Variants in ATXN3 observed in about 807,000 individuals in gnomAD.
ATXN3 encodes ataxin 3.
A neutral mutation model predicts 58.2 loss-of-function variants in ATXN3; 28 were observed. That is an observed-to-expected ratio of 0.48 (90% CI 0.36 to 0.66). The LOEUF (loss-of-function observed/expected upper bound fraction) is 0.66, where lower values mean the gene tolerates loss of function less well. Among genes scored for constraint, ATXN3 ranks in the 30% least tolerant of loss-of-function variants. The pLI is 0.00. For missense variants in ATXN3, 321 were observed against 422.1 expected, an observed-to-expected ratio of 0.76 and a Z score of 2.10; for synonymous variants, 113 against 138.5, an observed-to-expected ratio of 0.82 and a Z score of 1.29.
chr14:92,057,653 CCTAA>C (rs1391556584), downstream of ATXN3, among the ~76,000 whole-genome samples: 1 of 152,026 alleles, frequency 6.6e-6, no homozygotes, highest in East Asian at 1.9e-4. Flanking sequence ...TGTGCCCAAT[CCTAA>C]TTAAAGTTAA....
intron 5 of ATXN3, among the ~76,000 whole-genome samples, chr14:92,092,379 T>C (rs55811958): frequency 0.019 from 2,862 of 152,354 alleles, 53 homozygotes; most frequent in South Asian, 0.081. Flanking sequence ...GGACGTTAAA[T>C]GATTGTTTCT....
chr14:92,083,796 T>G (rs1456874463), intron 6 of ATXN3, among the ~76,000 whole-genome samples: 2 of 152,200 alleles, frequency 1.3e-5, no homozygotes, highest in Non-Finnish European at 2.9e-5. Context: ...AGATTAACAT[T>G]TAAGCCAGTG....
rs1193735032 is a variant in ATXN3, at chr14:92,083,167, T to C, written c.567A>G (p.Pro189=). 3 of 1,613,706 alleles carry C rather than the reference T, an allele frequency of 1.9e-6. No individual in the cohort carries two copies. The highest frequency in any genetic ancestry group is 2.5e-6 in the Non-Finnish European group (3 of 1,179,948). ...GTGCTAATTCTTCTCCAATAAGTTT[T>C]GGTCGATGCATCTGTTGGACCCTAA... is the stretch of plus-strand genomic sequence containing the variant. The part of the protein sequence containing the change: ...QMIRVQQMHR[P]KLIGEELAQL... Residue 189 remains proline (P), a synonymous_variant, in exon 7 of 11, where the codon CCA becomes CCG. Coordinates refer to ENST00000644486, the MANE Select transcript of ATXN3 (RefSeq NM_004993.6).
At chr14:92,075,156 GTTT>G (rs376552690) in intron 9 of ATXN3, among the ~76,000 whole-genome samples, 10,327 of 108,496 alleles carry the variant, frequency 0.095, 89 homozygotes, top group African/African-American at 0.14. Context: ...GTAATAGGGA[GTTT>G]TTTTTTTTTT....
Position 92,059,433 on chromosome 14 carries a change from A to G in ATXN3, c.*4887T>C, listed in dbSNP as rs1209845875. The G allele has an allele frequency of 6.6e-6, 1 of 152,238 alleles. No homozygotes were observed. Among genetic ancestry groups the G allele is most frequent in the African/African-American group, 2.4e-5 (1 of 41,462 alleles). The allele number at this position is 152,238 out of a possible 1,614,324, so 9.4% of individuals were successfully genotyped here. ...AAAAATAAAGTTATTTACATTGCTG[A>G]CATGATTAGTTGATCCAATCTGGTA... is the stretch of plus-strand genomic sequence containing the variant. On this transcript the variant is annotated 3_prime_UTR_variant, in exon 11 of 11. Coordinates refer to ENST00000644486, the MANE Select transcript of ATXN3 (RefSeq NM_004993.6).
At chr14:92,093,653 G>T in intron 4 of ATXN3, 93 bp downstream of exon 4, 1 of 1,013,264 alleles carries the variant, frequency 9.9e-7, no homozygotes, top group Non-Finnish European at 1.5e-6. Flanking sequence ...CAAAACAAAA[G>T]TATTCAAAAT....
At chr14:92,069,684 T>G (rs562774919) in intron 10 of ATXN3, among the ~76,000 whole-genome samples, 1 of 152,288 alleles carries the variant, frequency 6.6e-6, no homozygotes, top group East Asian at 1.9e-4. Flanking sequence ...CTATAAGCAT[T>G]TGATATAAGT....
At chr14:92,092,620 T>C (rs1043711652) in intron 5 of ATXN3, among the ~76,000 whole-genome samples, 4 of 152,172 alleles carry the variant, frequency 2.6e-5, no homozygotes, top group Non-Finnish European at 4.4e-5. Flanking sequence ...AGTCATCACA[T>C]AAAAACCCAC....
At chr14:92,074,120 A>G (rs2059939049) in intron 9 of ATXN3, among the ~76,000 whole-genome samples, 1 of 151,628 alleles carries the variant, frequency 6.6e-6, no homozygotes, top group Admixed American at 6.6e-5. Context: ...TGAGGTCAGG[A>G]GTTCAAGACC....
At chr14:92,101,204 T>C (rs2066691209) in intron 1 of ATXN3, among the ~76,000 whole-genome samples, 1 of 152,176 alleles carries the variant, frequency 6.6e-6, no homozygotes, top group Non-Finnish European at 1.5e-5. Context: ...CAGTGGTTCA[T>C]ACTATAATCT....
In ATXN3 at chr14:92,063,979, A is replaced by C. The variant is rs1213538664; in HGVS notation, c.*341T>G. On this transcript the variant is annotated 3_prime_UTR_variant, in exon 11 of 11. Transcript: ENST00000644486. ...AAAAAGAAAACAAACTATATGGAAAAAGCCTGAGGCGAGAGCTAATTAGCT... is the reference window on the plus strand; with the variant it reads ...AAAAAGAAAACAAACTATATGGAAACAGCCTGAGGCGAGAGCTAATTAGCT... 6.2e-6 allele frequency: 1 copy of C among 161,368 alleles called. No individual in the cohort carries two copies. The highest frequency in any genetic ancestry group is 1.3e-5 in the Non-Finnish European group (1 of 74,132). The allele number at this position is 161,368 out of a possible 1,614,324, so 10.0% of individuals were successfully genotyped here. A position where few individuals can be genotyped will look rare whatever the true frequency, so the allele number is the denominator to read the frequency against.
intron 7 of ATXN3, among the ~76,000 whole-genome samples, chr14:92,082,744 G>A (rs1256958892): frequency 2.7e-5 from 4 of 149,170 alleles, no homozygotes; most frequent in Non-Finnish European, 4.4e-5. Context: ...TACCTCCCCA[G>A]TTTCAGGTGA....
In ATXN3 at chr14:92,093,750, G is replaced by T; in HGVS notation, c.316C>A (p.Pro106Thr). The T allele has an allele frequency of 6.3e-7, 1 of 1,595,638 alleles. No individual in the cohort carries two copies. Among genetic ancestry groups the T allele is most frequent in the Non-Finnish European group, 8.6e-7 (1 of 1,168,698 alleles). ...AAATGCAAAACAGAATCTTACATAG[G>T]ATCGATCCTGAGCCTCTGATACTCT... is the stretch of plus-strand genomic sequence containing the variant. Reference protein sequence around the residue: ...SPEYQRLRIDPINERSFICNY... With the variant: ...SPEYQRLRIDTINERSFICNY... Residue 106 changes from proline to threonine, a missense_variant, in exon 4 of 11, where the codon CCT (proline) becomes ACT (threonine). Physicochemically the swap from Pro to Thr is conservative, Grantham distance 38. Coordinates refer to ENST00000644486, the MANE Select transcript of ATXN3 (RefSeq NM_004993.6).
chr14:92,089,489 C>T (rs1860406606), intron 5 of ATXN3, among the ~76,000 whole-genome samples: 1 of 151,890 alleles, frequency 6.6e-6, no homozygotes. Flanking sequence ...CAGGCGCACG[C>T]CGCCACACCC....
At chr14:92,089,761 T>C (rs1458751066) in intron 5 of ATXN3, among the ~76,000 whole-genome samples, 2 of 152,224 alleles carry the variant, frequency 1.3e-5, no homozygotes, top group Non-Finnish European at 2.9e-5. Context: ...ATTAAATCTT[T>C]TTTCAAAATA....
intron 10 of ATXN3, among the ~76,000 whole-genome samples, chr14:92,067,016 T>G (rs2058574674): frequency 6.6e-6 from 1 of 152,046 alleles, no homozygotes; most frequent in Non-Finnish European, 1.5e-5. Flanking sequence ...GTGATCTGCC[T>G]GCCTCAGCCT....
intron 1 of ATXN3, among the ~76,000 whole-genome samples, chr14:92,097,250 CAG>C (rs2065620092): frequency 6.9e-6 from 1 of 144,520 alleles, no homozygotes; most frequent in South Asian, 2.2e-4. Flanking sequence ...TTTTTTGAGA[CAG>C]AGTCTTGCTC....
chr14:92,047,660 T>A (rs1393996295), intron 2 of ATXN3, among the ~76,000 whole-genome samples: 1 of 152,122 alleles, frequency 6.6e-6, no homozygotes, highest in Non-Finnish European at 1.5e-5. Context: ...GGGAAGCAGA[T>A]AATTTGGTTA....
intron 7 of ATXN3, 46 bp downstream of exon 7, chr14:92,083,080 T>G: frequency 6.4e-7 from 1 of 1,557,260 alleles, no homozygotes; most frequent in Non-Finnish European, 8.7e-7. Context: ...TTAATTCTCA[T>G]AATGAAATAC....
Sources: gnomAD v4.1 joint callset for allele counts (sites outside exome capture counted in the v4.1 genomes callset) on GRCh38, gnomAD v4.1.1 for gene constraint, MANE v1.5 for transcripts, NCBI Gene and HGNC (gene_info 2026-07-23, HGNC 2026-07-21) for gene names.